The following ZC3H7A variants were observed in gnomAD, a reference collection of about 807,000 sequenced individuals.
ZC3H7A encodes the protein zinc finger CCCH domain-containing protein 7A.
Under a neutral mutation model 125.5 loss-of-function variants are expected in ZC3H7A, and 44 were observed. That is an observed-to-expected ratio of 0.35 (90% CI 0.28 to 0.45). The LOEUF is 0.45. Among genes scored for constraint, ZC3H7A ranks in the 20% least tolerant of loss-of-function variants. ZC3H7A has a pLI of 1.00. For synonymous variants in ZC3H7A, 399 were observed against 391.2 expected, an observed-to-expected ratio of 1.02 and a Z score of -0.23; for missense variants, 977 against 1,170.7, an observed-to-expected ratio of 0.83 and a Z score of 2.41.
chr16:11,768,145 T>A (rs112136911), intron 12 of ZC3H7A, among the ~76,000 whole-genome samples, 170 bp downstream of exon 12: 1 of 152,220 alleles, frequency 6.6e-6, no homozygotes. Flanking sequence ...TATCCTATTA[T>A]ACTCCAAAGG....
chr16:11,792,822 G>A (rs993930669), intron 1 of ZC3H7A, among the ~76,000 whole-genome samples: 3 of 152,216 alleles, frequency 2.0e-5, no homozygotes, highest in Admixed American at 2.0e-4. Context: ...CGCCTGGAGG[G>A]GAGTGAGCAT....
At chr16:11,773,811 A>G (rs1249857948) in intron 9 of ZC3H7A, among the ~76,000 whole-genome samples, 3 of 151,976 alleles carry the variant, frequency 2.0e-5, no homozygotes, top group Non-Finnish European at 4.4e-5. Context: ...TGAACCCGGG[A>G]GGCGGAGCTT....
In ZC3H7A at chr16:11,763,351, C is replaced by T. The variant is rs981421405; in HGVS notation, c.2002+127G>A. Reference sequence around the variant, plus strand: ...CTTGAACTCCTGACCTCAAGTGATCCATCTGCCTCAGCCTCCCAAAGTAGT... The same window carrying T: ...CTTGAACTCCTGACCTCAAGTGATCTATCTGCCTCAGCCTCCCAAAGTAGT... On this transcript the variant is annotated intron_variant, in intron 16 of 22. Coordinates refer to ENST00000355758, the MANE Select transcript of ZC3H7A (RefSeq NM_014153.4). The T allele has an allele frequency of 4.6e-6, 4 of 878,248 alleles. No homozygotes were observed. The African/African-American group carries it at 6.9e-5, about 15-fold the overall frequency. The allele number at this position is 878,248 out of a possible 1,614,324, so 54.4% of individuals were successfully genotyped here. A position where few individuals can be genotyped will look rare whatever the true frequency, so the allele number is the denominator to read the frequency against.
chr16:11,761,312 T>G, intron 19 of ZC3H7A, 94 bp downstream of exon 19: 1 of 1,217,056 alleles, frequency 8.2e-7, no homozygotes, highest in Non-Finnish European at 1.2e-6. Flanking sequence ...CGAATATTAT[T>G]TAAAGGGCTT....
intron 19 of ZC3H7A, chr16:11,759,146 G>T (rs1288015017): frequency 6.6e-6 from 1 of 152,200 alleles, no homozygotes; most frequent in Non-Finnish European, 1.5e-5. Flanking sequence ...TAAATACAGT[G>T]ATACTGGTAG....
In ZC3H7A at chr16:11,751,003, T is replaced by C. The variant is rs547171429; in HGVS notation, c.*314A>G. Reference sequence around the variant, plus strand: ...TATTCTCTTACCGTCACGATTCTTATATGAAGGACCAACTCAAAGAGTTGT... The same window carrying C: ...TATTCTCTTACCGTCACGATTCTTACATGAAGGACCAACTCAAAGAGTTGT... On this transcript the variant is annotated 3_prime_UTR_variant, in exon 23 of 23. Transcript: ENST00000355758. The C allele has an allele frequency of 1.5e-5, 3 of 201,020 alleles. No homozygotes were observed. The highest frequency in any genetic ancestry group is 1.2e-4 in the East Asian group (1 of 8,114). The allele number at this position is 201,020 out of a possible 1,614,324, so 12.5% of individuals were successfully genotyped here. A position where few individuals can be genotyped will look rare whatever the true frequency, so the allele number is the denominator to read the frequency against.
At chr16:11,773,985 C>T (rs1049043902) in intron 9 of ZC3H7A, among the ~76,000 whole-genome samples, 9 of 151,960 alleles carry the variant, frequency 5.9e-5, no homozygotes, top group Middle Eastern at 3.2e-3. Flanking sequence ...GTTATCTTTG[C>T]CCTTTCCATA....
chr16:11,772,726 T>C (rs1192793678), intron 9 of ZC3H7A, among the ~76,000 whole-genome samples: 1 of 151,044 alleles, frequency 6.6e-6, no homozygotes, highest in African/African-American at 2.5e-5. Context: ...AGACAGAGTA[T>C]TGATCTGTCA....
intron 1 of ZC3H7A, among the ~76,000 whole-genome samples, chr16:11,789,150 A>T (rs1308470297): frequency 6.6e-6 from 1 of 152,162 alleles, no homozygotes; most frequent in Non-Finnish European, 1.5e-5. Flanking sequence ...GTCACCATTG[A>T]AGGAAGAGGG....
intron 1 of ZC3H7A, among the ~76,000 whole-genome samples, chr16:11,792,519 T>C: frequency 6.6e-6 from 1 of 152,232 alleles, no homozygotes. Context: ...CTAGCTCACA[T>C]TAACAGAAGA....
chr16:11,796,854 G>C (rs2141229077), intron 1 of ZC3H7A: 1 of 151,386 alleles, frequency 6.6e-6, no homozygotes, highest in South Asian at 2.1e-4. Flanking sequence ...ACATTTTGCC[G>C]AGGGAATGGC....
Position 11,797,192 on chromosome 16 carries a change from T to TGGCGGC in ZC3H7A, c.-109_-104dup, listed in dbSNP as rs1224938376. ...GCGGGCGGCGGCAGGCGGGCAGCGG[T>TGGCGGC]GGCGGCGGCGGCGGCGGGGCCTGGG... On this transcript the variant is annotated 5_prime_UTR_variant, in exon 1 of 23. Coordinates refer to ENST00000355758, the MANE Select transcript of ZC3H7A (RefSeq NM_014153.4). 7 of 154,192 alleles carry TGGCGGC rather than the reference T, an allele frequency of 4.5e-5. 1 individual carries two copies. The highest frequency in any genetic ancestry group is 1.8e-4 in the South Asian group (1 of 5,684). The allele number at this position is 154,192 out of a possible 1,614,324, so 9.6% of individuals were successfully genotyped here.
intron 21 of ZC3H7A, among the ~76,000 whole-genome samples, chr16:11,754,173 T>A (rs1285549815): frequency 6.6e-6 from 1 of 150,758 alleles, no homozygotes; most frequent in East Asian, 2.0e-4. Flanking sequence ...GCACCTGCAG[T>A]CCTAGCTACT....
At chr16:11,796,122 T>C (rs73508202) in intron 1 of ZC3H7A, 4 of 152,256 alleles carry the variant, frequency 2.6e-5, no homozygotes, top group African/African-American at 9.6e-5. Context: ...CATGAGCCAC[T>C]GCATCCTGCC....
intron 1 of ZC3H7A, among the ~76,000 whole-genome samples, chr16:11,787,053 T>C (rs944915671): frequency 6.6e-6 from 1 of 152,154 alleles, no homozygotes; most frequent in South Asian, 2.1e-4. Flanking sequence ...TATCAGGATA[T>C]AGATCAGCAC....
intron 1 of ZC3H7A, chr16:11,796,139 A>T (rs1389085765): frequency 6.6e-6 from 1 of 152,224 alleles, no homozygotes. Context: ...TGCCAAGATT[A>T]ATTTTAATGA....
chr16:11,756,866 C>G (rs2052657769), intron 20 of ZC3H7A, among the ~76,000 whole-genome samples: 1 of 152,156 alleles, frequency 6.6e-6, no homozygotes, highest in African/African-American at 2.4e-5. Context: ...ATCAGTCAAG[C>G]CACAGTCCCA....
intron 7 of ZC3H7A, among the ~76,000 whole-genome samples, 160 bp downstream of exon 7, chr16:11,776,160 C>CA (rs1248140031): frequency 1.3e-5 from 2 of 151,802 alleles, no homozygotes; most frequent in African/African-American, 4.8e-5. Flanking sequence ...GACTCTGTCT[C>CA]AAAAAAATAA....
intron 1 of ZC3H7A, among the ~76,000 whole-genome samples, chr16:11,793,425 C>T (rs1041247871): frequency 3.3e-5 from 5 of 151,268 alleles, no homozygotes; most frequent in African/African-American, 7.3e-5. Context: ...GCCAGCTACT[C>T]GGGAGACTGA....
Sources: allele counts gnomAD v4.1 joint callset (sites outside exome capture counted in the v4.1 genomes callset), GRCh38; gene constraint gnomAD v4.1.1; transcripts MANE v1.5; gene names NCBI Gene and HGNC (gene_info 2026-07-23, HGNC 2026-07-21).